Variants in PDE4D observed in about 807,000 individuals in gnomAD.
PDE4D encodes phosphodiesterase 4D.
A neutral mutation model predicts 87.4 loss-of-function variants in PDE4D; 24 were observed. The ratio of observed to expected loss-of-function variants is 0.27; its 90% CI spans 0.20 to 0.39. The LOEUF (loss-of-function observed/expected upper bound fraction) is 0.39. PDE4D is among the 10% of genes least tolerant of loss of function. The pLI is 1.00. For synonymous variants in PDE4D, 384 were observed against 383.2 expected, an observed-to-expected ratio of 1.00 and a Z score of -0.02; for missense variants, 714 against 1,041.0, an observed-to-expected ratio of 0.69 and a Z score of 4.32.
At chr5:60,031,661 T>G (rs16890451) in intron 2 of PDE4D, among the ~76,000 whole-genome samples, 10,493 of 152,266 alleles carry the variant, frequency 0.069, 379 homozygotes, top group Middle Eastern at 0.092. Context: ...CCAAAGTTTT[T>G]TACTGGAATT....
chr5:59,497,137 A>T (rs1807369781), intron 1 of PDE4D, among the ~76,000 whole-genome samples: 1 of 152,084 alleles, frequency 6.6e-6, no homozygotes, highest in Admixed American at 6.6e-5. Context: ...CACATTTTAC[A>T]CCACAGTCAT....
intron 1 of PDE4D, among the ~76,000 whole-genome samples, chr5:59,439,195 C>T (rs1272758872): frequency 6.6e-6 from 1 of 151,918 alleles, no homozygotes; most frequent in Non-Finnish European, 1.5e-5. Context: ...CTCGTCTCTA[C>T]CAAAAATACA....
chr5:59,359,918 C>T lies in PDE4D; in HGVS notation c.456-143950G>A, dbSNP rs114491743. 9.1e-3 allele frequency among the ~76,000 whole-genome samples: 1,388 copies of T among 152,196 alleles called. 10 individuals carry two copies. Among genetic ancestry groups the T allele is most frequent in the Middle Eastern group, 0.014 (4 of 294 alleles). On this transcript the variant is annotated intron_variant, in intron 1 of 14. Coordinates refer to ENST00000340635, the MANE Select transcript of PDE4D (RefSeq NM_001104631.2). ...CGGAAATCTAAACATTGCTCCAATC[C>T]AATTGTTATCCATGTAAGTCCTAAC...
intron 1 of PDE4D, among the ~76,000 whole-genome samples, chr5:60,242,662 A>G (rs1747261718): frequency 6.6e-6 from 1 of 152,150 alleles, no homozygotes; most frequent in Non-Finnish European, 1.5e-5. Context: ...AGAAAACTAG[A>G]AATTAAAACA....
At chr5:59,872,361 G>T (rs940085867) in intron 1 of PDE4D, among the ~76,000 whole-genome samples, 1 of 151,690 alleles carries the variant, frequency 6.6e-6, no homozygotes. Flanking sequence ...TCCTAATTTG[G>T]AAATGAAGGT....
At chr5:59,114,868 G>T (rs930455451) in intron 5 of PDE4D, among the ~76,000 whole-genome samples, 24 of 150,498 alleles carry the variant, frequency 1.6e-4, no homozygotes, top group African/African-American at 5.9e-4. Flanking sequence ...ACTTCAAGGG[G>T]GTAGAGGAAT....
chr5:59,131,775 G>C (rs1443496610), intron 5 of PDE4D, among the ~76,000 whole-genome samples: 1 of 152,176 alleles, frequency 6.6e-6, no homozygotes, highest in Non-Finnish European at 1.5e-5. Context: ...GTATATGTTA[G>C]TGTGTTCTGT....
At chr5:60,255,963 TG>T (rs1270192921) in intron 1 of PDE4D, among the ~76,000 whole-genome samples, 1 of 151,950 alleles carries the variant, frequency 6.6e-6, no homozygotes, top group African/African-American at 2.4e-5. Context: ...ATAACCTTGA[TG>T]TTTAACAAGC....
intron 1 of PDE4D, among the ~76,000 whole-genome samples, chr5:59,635,880 G>C (rs1243833576): frequency 6.6e-6 from 1 of 152,170 alleles, no homozygotes; most frequent in Non-Finnish European, 1.5e-5. Context: ...GGAAGTTCTG[G>C]CCAGGGCAAT....
At chr5:58,998,192 T>C (rs1749664452) in intron 6 of PDE4D, among the ~76,000 whole-genome samples, 1 of 152,062 alleles carries the variant, frequency 6.6e-6, no homozygotes, top group African/African-American at 2.4e-5. Flanking sequence ...TTTTTAAAGG[T>C]ACAGTATTAA....
At chr5:59,679,675 T>C (rs1160654470) in intron 1 of PDE4D, among the ~76,000 whole-genome samples, 1 of 152,116 alleles carries the variant, frequency 6.6e-6, no homozygotes, top group Non-Finnish European at 1.5e-5. Flanking sequence ...CTAAGCTCTT[T>C]CTCAACATCA....
intron 1 of PDE4D, chr5:59,529,185 T>A: frequency 2.1e-6 from 1 of 484,340 alleles, no homozygotes; most frequent in South Asian, 1.6e-5. Context: ...TTTTCAAAAC[T>A]GACAGGGATA....
At position 60,456,871 on chromosome 5, in the gene PDE4D, A is replaced by T. The variant is rs138385349; in HGVS notation, c.-90+31071T>A. ...ATCCACTTTCCCAAAACAGTGTCCT[A>T]TACCTCTGTTCCCCACTCTCTACCA... On this transcript the variant is annotated intron_variant, in intron 1 of 16. Coordinates refer to the PDE4D transcript ENST00000502484. Among the ~76,000 whole-genome samples, 609 of 152,218 alleles carry T rather than the reference A, an allele frequency of 4.0e-3. 4 individuals carry two copies. Among genetic ancestry groups the T allele is most frequent in the African/African-American group, 0.013 (560 of 41,542 alleles).
intron 1 of PDE4D, among the ~76,000 whole-genome samples, chr5:59,532,893 T>A (rs1444125974): frequency 1.3e-5 from 2 of 151,978 alleles, no homozygotes; most frequent in African/African-American, 4.8e-5. Context: ...TTATTTGGAG[T>A]CTTCAGACCT....
intron 1 of PDE4D, among the ~76,000 whole-genome samples, chr5:60,255,901 T>C (rs1488037138): frequency 1.3e-5 from 2 of 151,912 alleles, no homozygotes; most frequent in African/African-American, 2.4e-5. Flanking sequence ...CCTCAAACAT[T>C]GTGTCTGTAT....
At chr5:59,365,359 C>T (rs1482250050) in intron 1 of PDE4D, among the ~76,000 whole-genome samples, 3 of 151,716 alleles carry the variant, frequency 2.0e-5, no homozygotes, top group Admixed American at 6.6e-5. Context: ...CTTGGGAGGC[C>T]GAGGTGGGAG....
intron 1 of PDE4D, among the ~76,000 whole-genome samples, chr5:59,424,127 A>G (rs1794876019): frequency 6.6e-6 from 1 of 152,150 alleles, no homozygotes; most frequent in African/African-American, 2.4e-5. Context: ...CATAAGAAAA[A>G]AGGACATGGG....
chr5:60,218,233 AAC>A (rs1744094294), intron 1 of PDE4D, among the ~76,000 whole-genome samples: 1 of 152,060 alleles, frequency 6.6e-6, no homozygotes, highest in Non-Finnish European at 1.5e-5. Flanking sequence ...GAATCTCACA[AAC>A]ACAATATTGA....
intron 1 of PDE4D, among the ~76,000 whole-genome samples, chr5:59,892,011 C>T (rs1461675539): frequency 6.6e-6 from 1 of 152,128 alleles, no homozygotes; most frequent in Non-Finnish European, 1.5e-5. Context: ...GGTTAGATGA[C>T]GACCCCTCTA....
Sources: gnomAD v4.1 joint callset for allele counts (sites outside exome capture counted in the v4.1 genomes callset) on GRCh38, gnomAD v4.1.1 for gene constraint, MANE v1.5 for transcripts, NCBI Gene and HGNC (gene_info 2026-07-23, HGNC 2026-07-21) for gene names.